The following WDPCP variants were observed in gnomAD, a reference collection of about 807,000 sequenced individuals.
WDPCP encodes the protein WD repeat-containing and planar cell polarity effector protein fritz homolog.
Under a neutral mutation model 93.1 loss-of-function variants are expected in WDPCP, and 71 were observed. The observed-to-expected ratio is 0.76, with a 90% CI of 0.63 to 0.93. The LOEUF is 0.93. Ranked by LOEUF, WDPCP falls within the 40% of genes least tolerant of loss-of-function variation. The pLI is 0.00. For missense variants in WDPCP, 844 were observed against 887.4 expected (o/e 0.95, Z 0.62); for synonymous variants, 315 against 315.0 (o/e 1.00, Z 0.00).
chr2:63,622,182 A>C (rs1709748572), intron 3 of WDPCP: 1 of 1,585,820 alleles, frequency 6.3e-7, no homozygotes, highest in Non-Finnish European at 8.6e-7. Flanking sequence ...TGGCTACACA[A>C]ACTGTTGCTG....
At chr2:63,233,806 A>C (rs764902357) in intron 14 of WDPCP, among the ~76,000 whole-genome samples, 1 of 152,116 alleles carries the variant, frequency 6.6e-6, no homozygotes. Context: ...TGCAGGCCAC[A>C]GACATTAATG....
At chr2:63,366,051 T>G (rs1033360099) in intron 12 of WDPCP, among the ~76,000 whole-genome samples, 2 of 152,146 alleles carry the variant, frequency 1.3e-5, no homozygotes, top group Non-Finnish European at 2.9e-5. Context: ...TCATAGAATC[T>G]CATGTTGGAA....
chr2:63,493,054 T>C, intron 1 of WDPCP, 114 bp from the exon 2 acceptor site: 1 of 874,950 alleles, frequency 1.1e-6, no homozygotes, highest in Non-Finnish European at 1.8e-6. Context: ...TTATTTGAAA[T>C]ATGGCCCATT....
Position 63,318,354 on chromosome 2 carries a change from T to C in WDPCP, c.1749-5043A>G, listed in dbSNP as rs1014984279. Reference sequence around the variant, plus strand: ...TAGTTCAGCCACTGTGGAAAGCAGTTTGGAGATTTCTCAAAGAACTTAAAA... The same window carrying C: ...TAGTTCAGCCACTGTGGAAAGCAGTCTGGAGATTTCTCAAAGAACTTAAAA... On this transcript the variant is annotated intron_variant, in intron 12 of 17. Coordinates refer to ENST00000272321, the MANE Select transcript of WDPCP (RefSeq NM_015910.7). Among the ~76,000 whole-genome samples the C allele has an allele frequency of 5.3e-5, 8 of 152,276 alleles. No individual in the cohort carries two copies. In the East Asian group the frequency reaches 5.8e-4, roughly 11 times the overall value.
chr2:63,774,376 T>C (rs1481827156), intron 2 of WDPCP, among the ~76,000 whole-genome samples: 1 of 152,156 alleles, frequency 6.6e-6, no homozygotes, highest in Non-Finnish European at 1.5e-5. Flanking sequence ...ATCTTATATC[T>C]AAACTCCCTA....
intron 1 of WDPCP, among the ~76,000 whole-genome samples, chr2:63,575,345 GTA>G (rs1378150095): frequency 7.7e-6 from 1 of 129,630 alleles, no homozygotes; most frequent in Non-Finnish European, 1.6e-5. Context: ...GGTATATACT[GTA>G]TATGGTATAT....
At position 63,426,258 on chromosome 2, in the gene WDPCP, TGAACC is replaced by T. The variant is rs1394685783; in HGVS notation, c.825+7482_825+7486del. 2.0e-5 allele frequency among the ~76,000 whole-genome samples: 3 copies of T among 152,106 alleles called. No homozygotes were observed. The East Asian group carries it at 5.8e-4, about 29-fold the overall frequency. On this transcript the variant is annotated intron_variant, in intron 9 of 17. Transcript: ENST00000272321. The stretch of plus-strand genomic sequence containing the variant: ...AGGAGTCTGAGGCAGGGGAATCGCT[TGAACC>T]CAGTTTAAGCGGAGGTTGCAGTGAG...
Position 63,724,926 on chromosome 2 carries a change from G to C in WDPCP, n.309-74088C>G, listed in dbSNP as rs1002783663. ...TATTTGCTTCTTGAATTCTGGCTCT[G>C]AGCCTGGAAGAACTGCTTTCATATC... On this transcript the variant is annotated intron_variant and non_coding_transcript_variant, in intron 2 of 4. Coordinates refer to the WDPCP transcript ENST00000467687. Among the ~76,000 whole-genome samples the C allele has an allele frequency of 6.6e-5, 10 of 152,182 alleles. 1 individual carries two copies. The highest frequency in any genetic ancestry group is 6.5e-4 in the Admixed American group (10 of 15,288).
intron 3 of WDPCP, chr2:63,643,418 T>G (rs912656275): frequency 6.3e-6 from 2 of 316,034 alleles, no homozygotes; most frequent in South Asian, 3.2e-5. Context: ...CTGTTGCCAC[T>G]GGCATCTTTC....
At chr2:63,694,148 T>A (rs1013914362) in intron 2 of WDPCP, among the ~76,000 whole-genome samples, 1 of 152,158 alleles carries the variant, frequency 6.6e-6, no homozygotes, top group African/African-American at 2.4e-5. Context: ...TGTTTTATGG[T>A]ATAGAAAAAG....
chr2:63,136,645 T>C (rs1203921025), intron 17 of WDPCP, among the ~76,000 whole-genome samples: 3 of 152,082 alleles, frequency 2.0e-5, no homozygotes. Context: ...TATTTCATCA[T>C]CCAGGTATTA....
At chr2:63,746,717 C>G (rs1261816188) in intron 2 of WDPCP, among the ~76,000 whole-genome samples, 4 of 152,164 alleles carry the variant, frequency 2.6e-5, no homozygotes, top group African/African-American at 9.7e-5. Flanking sequence ...AAATTCCAGC[C>G]TGGCGAATTC....
At chr2:63,528,581 T>G (rs1703546742) in intron 1 of WDPCP, among the ~76,000 whole-genome samples, 1 of 152,246 alleles carries the variant, frequency 6.6e-6, no homozygotes, top group Non-Finnish European at 1.5e-5. Context: ...TCTATATCTC[T>G]GTTTTGGTAC....
chr2:63,519,844 C>T (rs1702803682), intron 1 of WDPCP, among the ~76,000 whole-genome samples: 1 of 152,164 alleles, frequency 6.6e-6, no homozygotes. Context: ...ACCTCCAAAT[C>T]ATCATACTAG....
intron 1 of WDPCP, among the ~76,000 whole-genome samples, chr2:63,496,303 T>A (rs1701218210): frequency 6.6e-6 from 1 of 152,206 alleles, no homozygotes; most frequent in African/African-American, 2.4e-5. Context: ...TAATAATTTG[T>A]CAAAACTTCC....
chr2:63,199,470 G>A lies in WDPCP; in HGVS notation c.1916-24638C>T, dbSNP rs187188424. On this transcript the variant is annotated intron_variant, in intron 14 of 17. Coordinates refer to ENST00000272321, the MANE Select transcript of WDPCP (RefSeq NM_015910.7). ...CTCCAGACATGGCACCCTTCATTGT[G>A]GCTGTTCCAACTCCAGCCATGGCTA... Among the ~76,000 whole-genome samples, 315 of 152,314 alleles carry A rather than the reference G, an allele frequency of 2.1e-3. 2 individuals carry two copies. The highest frequency in any genetic ancestry group is 7.1e-3 in the African/African-American group (295 of 41,574).
chr2:63,336,931 G>C (rs1226205865), intron 12 of WDPCP, among the ~76,000 whole-genome samples: 2 of 121,262 alleles, frequency 1.6e-5, no homozygotes, highest in African/African-American at 6.6e-5. Context: ...GTCTCGCTCT[G>C]TCACCAGGTT....
intron 14 of WDPCP, among the ~76,000 whole-genome samples, chr2:63,212,583 C>T (rs1324607793): frequency 2.0e-5 from 3 of 152,146 alleles, no homozygotes; most frequent in Admixed American, 6.5e-5. Flanking sequence ...AACCAGCTAA[C>T]ATCATAATGA....
chr2:63,293,356 C>T (rs924040373), intron 13 of WDPCP, among the ~76,000 whole-genome samples: 4 of 152,014 alleles, frequency 2.6e-5, no homozygotes, highest in African/African-American at 9.7e-5. Context: ...CACAGTCAGC[C>T]TAAAACAATT....
Sources: gnomAD v4.1 joint callset for allele counts (sites outside exome capture counted in the v4.1 genomes callset) on GRCh38, gnomAD v4.1.1 for gene constraint, MANE v1.5 for transcripts, NCBI Gene and HGNC (gene_info 2026-07-23, HGNC 2026-07-21) for gene names.